PLEKHG5: variants seen among roughly 807,000 people sequenced by gnomAD.
PLEKHG5 encodes pleckstrin homology and RhoGEF domain containing G5, also known as pleckstrin homology domain-containing family G member 5.
Under a neutral mutation model 103.8 loss-of-function variants are expected in PLEKHG5, and 52 were observed. The observed-to-expected ratio is 0.50, with a 90% CI of 0.40 to 0.63. The LOEUF is 0.63. PLEKHG5 is among the 30% of genes least tolerant of loss of function. PLEKHG5 has a pLI of 0.00. For missense variants in PLEKHG5, 1,205 were observed against 1,347.6 expected (o/e 0.89, Z 1.66); for synonymous variants, 592 against 575.5 (o/e 1.03, Z -0.41).
chr1:6,488,642 C>T (rs1331760778), intron 1 of PLEKHG5, among the ~76,000 whole-genome samples: 1 of 152,174 alleles, frequency 6.6e-6, no homozygotes, highest in Non-Finnish European at 1.5e-5. Context: ...CAGAAAGGAG[C>T]CCCCAGCCCC....
chr1:6,495,097 C>T (rs1390852354), upstream of PLEKHG5, among the ~76,000 whole-genome samples: 1 of 152,226 alleles, frequency 6.6e-6, no homozygotes, highest in African/African-American at 2.4e-5. Flanking sequence ...TGCCTTATTG[C>T]CCCAGCCGCC....
chr1:6,514,358 G>C (rs7517959), intron 1 of PLEKHG5, among the ~76,000 whole-genome samples: 54 of 151,872 alleles, frequency 3.6e-4, no homozygotes, highest in Admixed American at 2.5e-3. Context: ...AGGAGGCTAC[G>C]GAAGAGGATG....
chr1:6,506,450 G>A (rs891165529), intron 1 of PLEKHG5, among the ~76,000 whole-genome samples: 8 of 152,242 alleles, frequency 5.3e-5, no homozygotes, highest in Non-Finnish European at 8.8e-5. Flanking sequence ...CCGAGGAGAC[G>A]GGCTGGCCGT....
chr1:6,498,829 A>G (rs945660606), upstream of PLEKHG5, among the ~76,000 whole-genome samples: 1 of 152,250 alleles, frequency 6.6e-6, no homozygotes, highest in Non-Finnish European at 1.5e-5. Flanking sequence ...CCAAGGGGCC[A>G]GCGATGCCTG....
chr1:6,469,356 C>T lies in PLEKHG5; in HGVS notation c.2028G>A (p.Val676=). The T allele has an allele frequency of 1.2e-6, 2 of 1,614,090 alleles. No homozygotes were observed. Among genetic ancestry groups the T allele is most frequent in the Non-Finnish European group, 1.7e-6 (2 of 1,179,990 alleles). Residue 676 remains valine, a synonymous_variant, in exon 18 of 21, where the codon GTG becomes GTA. Transcript: ENST00000377728. The part of the protein sequence containing the change: ...ASGQALCRGW[V]DTIYNAQNQL... ...TCACCTGGGCATTGTAAATGGTGTCCACCCAGCCACGGCACAAGGCCTGGC... is the reference window on the plus strand; with the variant it reads ...TCACCTGGGCATTGTAAATGGTGTCTACCCAGCCACGGCACAAGGCCTGGC...
At chr1:6,498,455 A>C (rs548503623), upstream of PLEKHG5, among the ~76,000 whole-genome samples, 1 of 152,220 alleles carries the variant, frequency 6.6e-6, no homozygotes, top group Non-Finnish European at 1.5e-5. Context: ...GGGTCTCCTG[A>C]GCTCTCTGGA....
intron 1 of PLEKHG5, among the ~76,000 whole-genome samples, chr1:6,508,298 G>A (rs1012213536): frequency 3.3e-5 from 5 of 152,298 alleles, no homozygotes; most frequent in Middle Eastern, 3.4e-3. Context: ...CTGACCACAC[G>A]GAGCATCATC....
intron 1 of PLEKHG5, among the ~76,000 whole-genome samples, chr1:6,512,611 G>A (rs1425040974): frequency 6.6e-6 from 1 of 152,166 alleles, no homozygotes; most frequent in Non-Finnish European, 1.5e-5. Context: ...AGCCTGGGGC[G>A]GGCCGACCAC....
At chr1:6,469,996 T>C (rs1644518552) in intron 16 of PLEKHG5, among the ~76,000 whole-genome samples, 1 of 152,178 alleles carries the variant, frequency 6.6e-6, no homozygotes, top group Non-Finnish European at 1.5e-5. Flanking sequence ...TTGTGGAATA[T>C]GGCTGCCCTC....
chr1:6,520,050 C>T (rs1638729534), upstream of PLEKHG5: 2 of 193,932 alleles, frequency 1.0e-5, no homozygotes, highest in South Asian at 1.0e-4. Context: ...CTGGTCACAG[C>T]GGGAGATCAA....
At chr1:6,507,801 G>A (rs1006073147) in intron 1 of PLEKHG5, among the ~76,000 whole-genome samples, 85 of 152,328 alleles carry the variant, frequency 5.6e-4, no homozygotes, top group African/African-American at 2.0e-3. Context: ...GAGGACAAAC[G>A]CAGGCCCTTG....
chr1:6,474,918 G>A lies in PLEKHG5; in HGVS notation c.302+129C>T, dbSNP rs559658630. 2.4e-5 allele frequency: 19 copies of A among 781,116 alleles called. No homozygotes were observed. The East Asian group carries it at 2.9e-4, about 12-fold the overall frequency. The allele number at this position is 781,116 out of a possible 1,614,324, so 48.4% of individuals were successfully genotyped here. On this transcript the variant is annotated intron_variant, in intron 5 of 20. Transcript: ENST00000377728. ...TGCACACCAGCACGGGTCTGCCCACGCAGGGATGCGCTCGCTCACGGGCCA... is the reference window on the plus strand; with the variant it reads ...TGCACACCAGCACGGGTCTGCCCACACAGGGATGCGCTCGCTCACGGGCCA...
chr1:6,474,150 C>T lies in PLEKHG5; in HGVS notation c.454G>A (p.Gly152Arg). 1 of 1,613,528 alleles carries T rather than the reference C, an allele frequency of 6.2e-7. No homozygotes were observed. Among genetic ancestry groups the T allele is most frequent in the Non-Finnish European group, 8.5e-7 (1 of 1,179,966 alleles). The change falls in exon 7 of 21, where the codon GGA becomes AGA. Residue 152 changes from glycine to arginine, a missense_variant. Coordinates refer to ENST00000377728, the MANE Select transcript of PLEKHG5 (RefSeq NM_020631.6). ...YLRVKAPAKP[G>R]DEGKVEQGMK... ...CCCTGCTCCACCTTGCCCTCATCTC[C>T]AGGCTTGGCTGGGGCTGCATGTGGG...
rs1248836428 is a variant in PLEKHG5, at chr1:6,471,651, G to A, written c.1132-14C>T. 2 of 1,572,672 alleles carry A rather than the reference G, an allele frequency of 1.3e-6. No homozygotes were observed. Among genetic ancestry groups the A allele is most frequent in the South Asian group, 1.2e-5 (1 of 86,304 alleles). ...CTCCGCCTCCACCTGGGCGCGGCGGGAGGTGCGGTTGGCCACGCCCCTCCG... is the reference window on the plus strand; with the variant it reads ...CTCCGCCTCCACCTGGGCGCGGCGGAAGGTGCGGTTGGCCACGCCCCTCCG... On this transcript the variant is annotated splice_polypyrimidine_tract_variant and intron_variant, in intron 11 of 20. Coordinates refer to ENST00000377728, the MANE Select transcript of PLEKHG5 (RefSeq NM_020631.6).
chr1:6,503,477 C>T (rs1484721114), intron 1 of PLEKHG5, among the ~76,000 whole-genome samples: 8 of 148,536 alleles, frequency 5.4e-5, no homozygotes, highest in African/African-American at 2.0e-4. Flanking sequence ...GGTATGATCT[C>T]GGCTCACTGA....
intron 4 of PLEKHG5, 106 bp from the exon 5 acceptor site, chr1:6,475,244 CCCTCCTTCCCACCCTCCTTCCCAACCCT>C: frequency 2.8e-6 from 2 of 704,896 alleles, no homozygotes; most frequent in South Asian, 3.0e-5. Flanking sequence ...CTCCTCCCCA[CCCTCCTTCCCACCCTCCTTCCCAACCCT>C]CCTCCCCACC....
upstream of PLEKHG5, among the ~76,000 whole-genome samples, chr1:6,495,169 G>C (rs1251198133): frequency 1.3e-5 from 2 of 152,280 alleles, no homozygotes; most frequent in Non-Finnish European, 1.5e-5. Context: ...ATATTGGGGG[G>C]AGCTGAGGCC....
chr1:6,517,811 C>T (rs4243830), intron 1 of PLEKHG5, among the ~76,000 whole-genome samples: 126,243 of 152,202 alleles, frequency 0.83, 53,080 homozygotes, highest in Non-Finnish European at 0.89. Flanking sequence ...CCAGGCCAGG[C>T]TATCCCGCTG....
In PLEKHG5 at chr1:6,490,564, T is replaced by A; in HGVS notation, c.-88+1073A>T. ...GACGGGAGCCGCGGGACGGGCTCAG[T>A]CGACTCAGCGCAAACTGGGGCGCGG... is the stretch of plus-strand genomic sequence containing the variant. On this transcript the variant is annotated intron_variant, in intron 1 of 20. Coordinates refer to ENST00000377728, the MANE Select transcript of PLEKHG5 (RefSeq NM_020631.6). This position sits in a 1 kb window ranked among gnomAD's most constrained non-coding sequence, Gnocchi z 8.0. 1.0e-6 allele frequency: 1 copy of A among 985,224 alleles called. No homozygotes were observed. The highest frequency in any genetic ancestry group is 4.7e-5 in the South Asian group (1 of 21,276). The allele number at this position is 985,224 out of a possible 1,614,324, so 61.0% of individuals were successfully genotyped here.
Sources: allele counts gnomAD v4.1 joint callset (sites outside exome capture counted in the v4.1 genomes callset), GRCh38; gene constraint gnomAD v4.1.1; non-coding constraint Gnocchi (gnomAD v3.1); transcripts MANE v1.5; gene names NCBI Gene and HGNC (gene_info 2026-07-23, HGNC 2026-07-21).